CCSER1: variants seen among roughly 807,000 people sequenced by gnomAD.
The protein encoded by CCSER1 is coiled-coil serine rich protein 1, also known as serine-rich coiled-coil domain-containing protein 1.
Under a neutral mutation model 82.0 loss-of-function variants are expected in CCSER1, and 41 were observed. That is an observed-to-expected ratio of 0.50 (90% CI 0.39 to 0.65). The LOEUF is 0.65. Ranked by LOEUF, CCSER1 falls within the 30% of genes least tolerant of loss-of-function variation. The pLI is 0.00. For synonymous variants in CCSER1, 414 were observed against 383.9 expected (o/e 1.08, Z -0.92); for missense variants, 1,119 against 1,064.2 (o/e 1.05, Z -0.72).
chr4:90,454,502 T>A (rs1761923242), intron 4 of CCSER1, among the ~76,000 whole-genome samples: 1 of 152,186 alleles, frequency 6.6e-6, no homozygotes, highest in African/African-American at 2.4e-5. Flanking sequence ...CTATCATGTT[T>A]AGCTTGGAGT....
At chr4:90,404,577 C>T (rs1753426855) in intron 4 of CCSER1, among the ~76,000 whole-genome samples, 1 of 152,158 alleles carries the variant, frequency 6.6e-6, no homozygotes, top group African/African-American at 2.4e-5. Flanking sequence ...GTGCACTAAA[C>T]AAAAACACAA....
intron 10 of CCSER1, among the ~76,000 whole-genome samples, chr4:91,454,331 A>C (rs1430256808): frequency 6.6e-6 from 1 of 151,978 alleles, no homozygotes; most frequent in Non-Finnish European, 1.5e-5. Flanking sequence ...CATTCTTTGC[A>C]TTTTGTGCTC....
intron 9 of CCSER1, among the ~76,000 whole-genome samples, chr4:90,985,635 T>C (rs902967093): frequency 2.0e-5 from 3 of 151,728 alleles, no homozygotes; most frequent in African/African-American, 7.2e-5. Context: ...CTGTGTACTC[T>C]CAGTATTAGT....
At chr4:90,374,466 G>T (rs529868798) in intron 3 of CCSER1, among the ~76,000 whole-genome samples, 1 of 152,326 alleles carries the variant, frequency 6.6e-6, no homozygotes, top group South Asian at 2.1e-4. Flanking sequence ...AAGGTTTGCA[G>T]TGGAGCAAGG....
At chr4:91,083,641 A>G (rs980787664) in intron 9 of CCSER1, among the ~76,000 whole-genome samples, 2 of 152,184 alleles carry the variant, frequency 1.3e-5, no homozygotes, top group Non-Finnish European at 2.9e-5. Flanking sequence ...AAAGAGAAGT[A>G]TAATATGAGA....
At position 90,586,065 on chromosome 4, in the gene CCSER1, T is replaced by C. The variant is rs539457226; in HGVS notation, c.1725-41960T>C. On this transcript the variant is annotated intron_variant, in intron 5 of 10. Coordinates refer to ENST00000509176, the MANE Select transcript of CCSER1 (RefSeq NM_001145065.2). ...AGGGGTCCCCAATCCCTGATATCAG[T>C]CTGTGGACTGTTAGGAACCGGGCTG... Among the ~76,000 whole-genome samples, 10 of 152,280 alleles carry C rather than the reference T, an allele frequency of 6.6e-5. No individual in the cohort carries two copies. The South Asian group carries it at 2.1e-3, about 32-fold the overall frequency.
chr4:90,436,808 T>TC (rs1759057089), intron 4 of CCSER1, among the ~76,000 whole-genome samples: 1 of 151,578 alleles, frequency 6.6e-6, no homozygotes, highest in African/African-American at 2.4e-5. Context: ...GAATATTAGT[T>TC]CCTTTTTTTT....
At chr4:91,316,900 C>T (rs1055580756) in intron 10 of CCSER1, among the ~76,000 whole-genome samples, 6 of 151,704 alleles carry the variant, frequency 4.0e-5, no homozygotes, top group South Asian at 2.1e-4. Context: ...TGGAGGTGAA[C>T]GGGGATAAAA....
chr4:91,564,129 A>T (rs190645239), intron 10 of CCSER1, among the ~76,000 whole-genome samples: 2 of 152,092 alleles, frequency 1.3e-5, no homozygotes, highest in East Asian at 3.9e-4. Flanking sequence ...ATGAGTAAGA[A>T]GATGAGGTAT....
At chr4:90,675,255 ATTAC>A (rs1003600459) in intron 6 of CCSER1, among the ~76,000 whole-genome samples, 27 of 152,192 alleles carry the variant, frequency 1.8e-4, no homozygotes, top group African/African-American at 5.5e-4. Context: ...TTTATAAACA[ATTAC>A]TTACAGTTGC....
At chr4:91,023,333 G>T (rs1740183356) in intron 9 of CCSER1, among the ~76,000 whole-genome samples, 1 of 152,132 alleles carries the variant, frequency 6.6e-6, no homozygotes, top group Non-Finnish European at 1.5e-5. Flanking sequence ...AACCAAAAAA[G>T]AGCCCGCATT....
intron 3 of CCSER1, among the ~76,000 whole-genome samples, chr4:90,399,293 T>G (rs574266423): frequency 6.6e-6 from 1 of 152,218 alleles, no homozygotes; most frequent in East Asian, 1.9e-4. Context: ...CTATTTGCCC[T>G]CTTGAAAATA....
chr4:90,318,656 T>C (rs1736587451), intron 3 of CCSER1, among the ~76,000 whole-genome samples: 1 of 152,222 alleles, frequency 6.6e-6, no homozygotes, highest in Non-Finnish European at 1.5e-5. Context: ...TTATTGATAA[T>C]AGTAGAATAA....
intron 10 of CCSER1, among the ~76,000 whole-genome samples, chr4:91,479,166 ATTTTC>A (rs1478484387): frequency 4.0e-5 from 6 of 151,268 alleles, no homozygotes; most frequent in Non-Finnish European, 7.4e-5. Context: ...TTTGTTGAAT[ATTTTC>A]TTTCTTTTTT....
In CCSER1 at chr4:90,965,533, A is replaced by G. The variant is rs971283387; in HGVS notation, c.2172+42086A>G. ...CAAAAGCCGGGAGACTTATTGGCCAATACATTCAAGATAATCTTTGTTTAA... is the reference window on the plus strand; with the variant it reads ...CAAAAGCCGGGAGACTTATTGGCCAGTACATTCAAGATAATCTTTGTTTAA... On this transcript the variant is annotated intron_variant, in intron 9 of 10. Transcript: ENST00000509176. 3.3e-4 allele frequency among the ~76,000 whole-genome samples: 50 copies of G among 152,174 alleles called. 1 individual carries two copies. Among genetic ancestry groups the G allele is most frequent in the African/African-American group, 1.1e-3 (47 of 41,402 alleles).
intron 5 of CCSER1, among the ~76,000 whole-genome samples, chr4:90,487,284 A>G (rs1767259518): frequency 6.6e-6 from 1 of 152,110 alleles, no homozygotes; most frequent in Non-Finnish European, 1.5e-5. Context: ...ATTCCTGCTT[A>G]TTTTCTTGAA....
At chr4:91,368,441 C>T (rs1478021754) in intron 10 of CCSER1, among the ~76,000 whole-genome samples, 1 of 151,996 alleles carries the variant, frequency 6.6e-6, no homozygotes, top group Non-Finnish European at 1.5e-5. Context: ...TTCTTATTTG[C>T]CTTTACCAGC....
intron 10 of CCSER1, chr4:91,319,124 A>G (rs183724735): frequency 0.012 from 3,138 of 270,516 alleles, 89 homozygotes; most frequent in African/African-American, 0.067. Context: ...CAGCTTCTGG[A>G]TAATTTTTTC....
intron 9 of CCSER1, among the ~76,000 whole-genome samples, chr4:91,060,725 T>C (rs1372645836): frequency 1.3e-5 from 2 of 152,098 alleles, no homozygotes; most frequent in Non-Finnish European, 2.9e-5. Context: ...ATCCAGATAC[T>C]TAATGTATTT....
Sources: allele counts gnomAD v4.1 joint callset (sites outside exome capture counted in the v4.1 genomes callset), GRCh38; gene constraint gnomAD v4.1.1; transcripts MANE v1.5; gene names NCBI Gene and HGNC (gene_info 2026-07-23, HGNC 2026-07-21).